SLX4: variants seen among roughly 807,000 people sequenced by gnomAD.
SLX4 encodes the protein SLX4 structure-specific endonuclease subunit, also known as structure-specific endonuclease subunit SLX4.
A neutral mutation model predicts 146.2 loss-of-function variants in SLX4; 112 were observed. That is an observed-to-expected ratio of 0.77 (90% CI 0.66 to 0.90). SLX4 has a LOEUF of 0.90. Among genes scored for constraint, SLX4 ranks in the 40% least tolerant of loss-of-function variants. SLX4 has a pLI of 0.00. For missense variants in SLX4, 2,563 were observed against 2,392.7 expected (o/e 1.07, Z -1.49); for synonymous variants, 1,061 against 997.7 (o/e 1.06, Z -1.20).
chr16:3,587,314 T>C (rs1176400963), intron 12 of SLX4, among the ~76,000 whole-genome samples: 2 of 152,126 alleles, frequency 1.3e-5, no homozygotes, highest in African/African-American at 4.8e-5. Context: ...CTGATCAACA[T>C]GGTGAAACCC....
Position 3,594,532 on chromosome 16 carries a change from T to G in SLX4, c.2081A>C (p.Gln694Pro). 1.9e-6 allele frequency: 3 copies of G among 1,614,112 alleles called. No individual in the cohort carries two copies. The highest frequency in any genetic ancestry group is 2.5e-6 in the Non-Finnish European group (3 of 1,180,024). ...MVNNPHLSDV[Q>P]FQTDSGEVLY... ...CACCTCCCCGCTGTCCGTCTGAAAC[T>G]GGACATCACTCAGGTGTGGGTTATT... The change falls in exon 10 of 15, where the codon CAG (glutamine) becomes CCG (proline). Residue 694 changes from glutamine (Q) to proline (P), a missense_variant. Coordinates refer to ENST00000294008, the MANE Select transcript of SLX4 (RefSeq NM_032444.4).
intron 3 of SLX4, among the ~76,000 whole-genome samples, chr16:3,605,191 G>A (rs1175573570): frequency 2.6e-5 from 4 of 152,122 alleles, no homozygotes; most frequent in South Asian, 2.1e-4. Context: ...CCAGGTTCAC[G>A]CCATTCTCCT....
chr16:3,591,238 C>T lies in SLX4; in HGVS notation c.2400G>A (p.Trp800Ter). 6.2e-7 allele frequency: 1 copy of T among 1,613,552 alleles called. No individual in the cohort carries two copies. The highest frequency in any genetic ancestry group is 8.5e-7 in the Non-Finnish European group (1 of 1,180,032). ...PIATDSEGKPWEEKEAENCES... is the reference protein window; with the variant it reads ...PIATDSEGKP ...CGCAATTCTCTGCTTCCTTCTCCTC[C>T]CATGGTTTGCCCTCTGAGTCAGTGG... Residue 800 changes from tryptophan (W) to a stop codon, truncating the protein, a stop_gained, in exon 12 of 15, where the codon TGG (tryptophan) becomes TGA (stop). Transcript: ENST00000294008. LOFTEE classifies it high-confidence loss of function.
At chr16:3,596,683 C>T (rs2040663578) in intron 7 of SLX4, among the ~76,000 whole-genome samples, 1 of 152,250 alleles carries the variant, frequency 6.6e-6, no homozygotes, top group Non-Finnish European at 1.5e-5. Flanking sequence ...GCCTGCCGCC[C>T]TCCTGAAGTC....
Position 3,596,313 on chromosome 16 carries a change from G to A in SLX4, c.1764C>T (p.His588=), listed in dbSNP as rs201638593. Reference sequence around the variant, plus strand: ...AGCCACAGCCTGCAGTGGGGGTGCCGTGGAGAGCGGGTGACCTTCGCTCGC... The same window carrying A: ...AGCCACAGCCTGCAGTGGGGGTGCCATGGAGAGCGGGTGACCTTCGCTCGC... ...ELSERRSPAL[H]GTPTAGCGSR... The change falls in exon 8 of 15, where the codon CAC becomes CAT. Residue 588 remains histidine, a synonymous_variant. Coordinates refer to ENST00000294008, the MANE Select transcript of SLX4 (RefSeq NM_032444.4). 114 of 1,579,868 alleles carry A rather than the reference G, an allele frequency of 7.2e-5. No homozygotes were observed. Among genetic ancestry groups the A allele is most frequent in the Non-Finnish European group, 8.3e-5 (97 of 1,163,488 alleles).
In SLX4 at chr16:3,584,836, C is replaced by G; in HGVS notation, c.4672G>C (p.Val1558Leu). ...ANRKKNLPPKVPITPMPQYSI... is the reference protein window; with the variant it reads ...ANRKKNLPPKLPITPMPQYSI... ...TACTGTGGCATCGGCGTTATGGGCA[C>G]TTTGGGGGGCAAGTTCTTCTTCCGA... Residue 1558 changes from valine (V) to leucine (L), a missense_variant, in exon 13 of 15, where the codon GTG becomes CTG. By Grantham distance (32) the Val-to-Leu change is conservative (BLOSUM62 1). Coordinates refer to ENST00000294008, the MANE Select transcript of SLX4 (RefSeq NM_032444.4). The G allele has an allele frequency of 6.2e-7, 1 of 1,614,134 alleles. No homozygotes were observed. Among genetic ancestry groups the G allele is most frequent in the Non-Finnish European group, 8.5e-7 (1 of 1,179,988 alleles).
intron 11 of SLX4, 98 bp downstream of exon 11, chr16:3,592,601 T>C: frequency 7.2e-7 from 1 of 1,389,100 alleles, no homozygotes; most frequent in Non-Finnish European, 1.0e-6. Flanking sequence ...GTTAGTTCTC[T>C]TGGCCTCAGC....
Position 3,590,900 on chromosome 16 carries a change from C to A in SLX4, c.2738G>T (p.Arg913Ile). The A allele has an allele frequency of 6.2e-7, 1 of 1,614,116 alleles. No homozygotes were observed. Among genetic ancestry groups the A allele is most frequent in the Non-Finnish European group, 8.5e-7 (1 of 1,180,012 alleles). Reference protein sequence around the residue: ...VEEMEPLEPGRDEAATTWEKM... With the variant: ...VEEMEPLEPGIDEAATTWEKM... Reference sequence around the variant, plus strand: ...CTCCCAGGTGGTGGCGGCCTCATCTCTTCCTGGCTCCAACGGCTCCATCTC... The same window carrying A: ...CTCCCAGGTGGTGGCGGCCTCATCTATTCCTGGCTCCAACGGCTCCATCTC... Residue 913 changes from arginine to isoleucine, a missense_variant, in exon 12 of 15, where the codon AGA (arginine) becomes ATA (isoleucine). Coordinates refer to ENST00000294008, the MANE Select transcript of SLX4 (RefSeq NM_032444.4). This position sits in a 1 kb window ranked among gnomAD's most constrained non-coding sequence, Gnocchi z 4.8.
chr16:3,590,340 C>T lies in SLX4; in HGVS notation c.3298G>A (p.Gly1100Ser). The T allele has an allele frequency of 1.2e-6, 2 of 1,614,206 alleles. No homozygotes were observed. The highest frequency in any genetic ancestry group is 8.5e-7 in the Non-Finnish European group (1 of 1,180,038). The change falls in exon 12 of 15, where the codon GGC (glycine) becomes AGC (serine). Residue 1100 changes from glycine (G) to serine (S), a missense_variant. Transcript: ENST00000294008. The surrounding 1 kb of genome is among the most constrained non-coding windows in gnomAD (Gnocchi z 4.8). ...TCCAGCACGGACCGACGCTCTTTGC[C>T]TTTCTGGTGCCCTGGCTCTTTAGAC... is the stretch of plus-strand genomic sequence containing the variant. ...TLSKEPGHQK[G>S]KERRSVLECR... is the part of the protein sequence containing the mutation.
chr16:3,603,336 G>A (rs1238535309), intron 3 of SLX4, among the ~76,000 whole-genome samples: 11 of 152,202 alleles, frequency 7.2e-5, no homozygotes, highest in African/African-American at 1.7e-4. Flanking sequence ...GAGCCACCGC[G>A]TCCAGCCTGG....
chr16:3,608,391 G>C (rs2040809293), intron 2 of SLX4, 39 bp downstream of exon 2: 1 of 1,611,380 alleles, frequency 6.2e-7, no homozygotes, highest in African/African-American at 1.3e-5. Flanking sequence ...CCCTTTCCAG[G>C]AAGTTTTCCA....
At chr16:3,591,667 A>G (rs1194324152) in intron 11 of SLX4, among the ~76,000 whole-genome samples, 1 of 152,212 alleles carries the variant, frequency 6.6e-6, no homozygotes, top group Non-Finnish European at 1.5e-5. Flanking sequence ...ATTGTGGCTC[A>G]TGCCTGAAAT....
intron 3 of SLX4, among the ~76,000 whole-genome samples, chr16:3,605,546 A>G (rs1273223760): frequency 6.6e-6 from 1 of 152,160 alleles, no homozygotes; most frequent in Admixed American, 6.5e-5. Context: ...AACAACAACA[A>G]CAAAAAAACC....
chr16:3,602,998 G>A (rs929603072), intron 3 of SLX4, among the ~76,000 whole-genome samples: 6 of 152,178 alleles, frequency 3.9e-5, no homozygotes, highest in Admixed American at 6.5e-5. Context: ...TGGCCTACCA[G>A]TGCCTGCCAC....
In SLX4 at chr16:3,602,151, A is replaced by T; in HGVS notation, c.917T>A (p.Met306Lys). The part of the protein sequence containing the change: ...CQICQKNLSA[M>K]NVTRREQHVN... ...ATGCTGTTCCCTTCGGGTCACGTTC[A>T]TGGCTGAGAGGTTCTTTTGACAAAT... Residue 306 changes from methionine (M) to lysine (K), a missense_variant, in exon 4 of 15, where the codon ATG becomes AAG. By Grantham distance (95) the Met-to-Lys change is moderately conservative. Transcript: ENST00000294008. 6.2e-7 allele frequency: 1 copy of T among 1,614,150 alleles called. No individual in the cohort carries two copies. The highest frequency in any genetic ancestry group is 8.5e-7 in the Non-Finnish European group (1 of 1,180,028).
At chr16:3,607,237 G>A (rs1261135215) in intron 2 of SLX4, among the ~76,000 whole-genome samples, 1 of 152,176 alleles carries the variant, frequency 6.6e-6, no homozygotes, top group Non-Finnish European at 1.5e-5. Flanking sequence ...ACCATGCATA[G>A]ATTTCATCCG....
At position 3,603,470 on chromosome 16, in the gene SLX4, C is replaced by T. The variant is rs185369599; in HGVS notation, c.761-1163G>A. 2.7e-3 allele frequency among the ~76,000 whole-genome samples: 408 copies of T among 152,334 alleles called. 2 individuals are homozygous for T. The highest frequency in any genetic ancestry group is 4.3e-3 in the Non-Finnish European group (293 of 68,034). ...CGGAGCTCACACCAGCTGGGTGCCT[C>T]CTCTGCAACTCACATGTGCGTCCAG... On this transcript the variant is annotated intron_variant, in intron 3 of 14. Coordinates refer to ENST00000294008, the MANE Select transcript of SLX4 (RefSeq NM_032444.4).
intron 3 of SLX4, among the ~76,000 whole-genome samples, chr16:3,602,712 TC>T (rs2040741301): frequency 6.6e-6 from 1 of 152,224 alleles, no homozygotes; most frequent in Non-Finnish European, 1.5e-5. Flanking sequence ...CATTGCAAGT[TC>T]ACAAGGCTCA....
At position 3,589,675 on chromosome 16, in the gene SLX4, CGGTGTCTGGGGCGGT is replaced by C. The variant is rs1302525912; in HGVS notation, c.3948_3962del (p.Pro1317_Pro1321del). 2.0e-5 allele frequency: 33 copies of C among 1,613,940 alleles called. 1 individual carries two copies. Among genetic ancestry groups the C allele is most frequent in the East Asian group, 4.5e-5 (2 of 44,884 alleles). ...GAGAGACGGGAGTGAGGCATGAGGA[CGGTGTCTGGGGCGGT>C]GGTGTCTGGGGCCTGATGACAGAAA... On this transcript the variant is annotated inframe_deletion, in exon 12 of 15. Transcript: ENST00000294008. This position sits in a 1 kb window ranked among gnomAD's most constrained non-coding sequence, Gnocchi z 6.2.
Sources: gnomAD v4.1 joint callset for allele counts (sites outside exome capture counted in the v4.1 genomes callset) on GRCh38, gnomAD v4.1.1 for gene constraint, Gnocchi (gnomAD v3.1) non-coding constraint, MANE v1.5 for transcripts, NCBI Gene and HGNC (gene_info 2026-07-23, HGNC 2026-07-21) for gene names.